Variants in BPIFC observed in about 807,000 individuals in gnomAD.
The protein encoded by BPIFC is BPI fold-containing family C protein.
In BPIFC, 60 loss-of-function variants were observed where a neutral mutation model predicts 57.6. The observed-to-expected ratio is 1.04, with a 90% CI of 0.85 to 1.29. The LOEUF (loss-of-function observed/expected upper bound fraction) is 1.29, where lower values mean the gene tolerates loss of function less well. BPIFC is among the 50% of genes most tolerant of loss of function. BPIFC has a pLI of 0.00. For missense variants in BPIFC, 581 were observed against 600.5 expected (o/e 0.97, Z 0.34); for synonymous variants, 243 against 224.5 (o/e 1.08, Z -0.74).
At position 32,442,343 on chromosome 22, in the gene BPIFC, C is replaced by T. The variant is rs566089174; in HGVS notation, c.655+328G>A. Among the ~76,000 whole-genome samples, 136 of 152,266 alleles carry T rather than the reference C, an allele frequency of 8.9e-4. 2 individuals carry two copies. The highest frequency in any genetic ancestry group is 2.8e-3 in the African/African-American group (117 of 41,548). ...TGCAGGCTGAGAACCCCAGAATAAC[C>T]TGGTCAAGATCAGTGTTAATCCCTC... On this transcript the variant is annotated intron_variant, in intron 8 of 16. Coordinates refer to ENST00000300399, the MANE Select transcript of BPIFC (RefSeq NM_174932.3).
At chr22:32,428,180 A>G (rs1325598452) in intron 13 of BPIFC, among the ~76,000 whole-genome samples, 3 of 152,162 alleles carry the variant, frequency 2.0e-5, no homozygotes, top group Non-Finnish European at 4.4e-5. Flanking sequence ...ACTATTTGAT[A>G]TAAAGATAAG....
At chr22:32,445,050 T>G (rs930804994) in intron 7 of BPIFC, among the ~76,000 whole-genome samples, 1 of 152,180 alleles carries the variant, frequency 6.6e-6, no homozygotes, top group Non-Finnish European at 1.5e-5. Flanking sequence ...GCCCACCCTA[T>G]GGTAAGAAAT....
At chr22:32,463,515 C>T (rs1475035593) in intron 1 of BPIFC, among the ~76,000 whole-genome samples, 1 of 151,904 alleles carries the variant, frequency 6.6e-6, no homozygotes, top group Non-Finnish European at 1.5e-5. Flanking sequence ...TTAGAAAACA[C>T]CTGAAACTCA....
chr22:32,462,043 A>G (rs1935170712), intron 1 of BPIFC, among the ~76,000 whole-genome samples: 2 of 150,452 alleles, frequency 1.3e-5, no homozygotes, highest in South Asian at 4.2e-4. Context: ...GGTGGCGCAC[A>G]CCTGTAGTCC....
At position 32,422,083 on chromosome 22, in the gene BPIFC, C is replaced by T. The variant is rs565276210; in HGVS notation, c.1218-2679G>A. Among the ~76,000 whole-genome samples, 7 of 152,258 alleles carry T rather than the reference C, an allele frequency of 4.6e-5. No individual in the cohort carries two copies. In the East Asian group the frequency reaches 1.4e-3, roughly 29 times the overall value. ...AGAGGCAGACAGGATTGACTAGGCT[C>T]AGTGCCTCTGGCTGTGTTACGATTT... On this transcript the variant is annotated intron_variant, in intron 13 of 16. Transcript: ENST00000300399.
intron 13 of BPIFC, among the ~76,000 whole-genome samples, chr22:32,420,080 G>A (rs1933799759): frequency 6.6e-6 from 1 of 152,114 alleles, no homozygotes; most frequent in African/African-American, 2.4e-5. Flanking sequence ...CACTTTGGGA[G>A]GCCGAGGCGG....
At position 32,440,379 on chromosome 22, in the gene BPIFC, C is replaced by T. The variant is rs537966632; in HGVS notation, c.655+2292G>A. 1.1e-4 allele frequency among the ~76,000 whole-genome samples: 17 copies of T among 152,258 alleles called. No homozygotes were observed. In the South Asian group the frequency reaches 2.7e-3, roughly 24 times the overall value. ...CAGGTCTTGAACTCCTGACCTCAAG[C>T]AATCCTCCCACCTTGGCCTCCCAAA... On this transcript the variant is annotated intron_variant, in intron 8 of 16. Transcript: ENST00000300399.
chr22:32,453,275 A>T, intron 4 of BPIFC, 108 bp downstream of exon 4: 1 of 863,964 alleles, frequency 1.2e-6, no homozygotes, highest in Non-Finnish European at 1.7e-6. Context: ...CAGAACAGAA[A>T]AAGATAAGAA....
At chr22:32,451,694 A>G (rs577828468) in intron 4 of BPIFC, among the ~76,000 whole-genome samples, 19 of 152,126 alleles carry the variant, frequency 1.2e-4, no homozygotes, top group Middle Eastern at 3.4e-3. Context: ...CTTAAAGTAT[A>G]ATAAATATAT....
intron 13 of BPIFC, among the ~76,000 whole-genome samples, chr22:32,422,744 A>G (rs1239318361): frequency 6.6e-6 from 1 of 152,102 alleles, no homozygotes; most frequent in East Asian, 1.9e-4. Context: ...TGAAGAAACC[A>G]GCGTAGGCTA....
intron 9 of BPIFC, among the ~76,000 whole-genome samples, chr22:32,436,090 T>G (rs2145935138): frequency 1.3e-5 from 2 of 152,136 alleles, no homozygotes; most frequent in South Asian, 4.2e-4. Context: ...TGACTGTTTT[T>G]CCATGATCAA....
At chr22:32,429,187 A>G (rs554037378) in intron 13 of BPIFC, among the ~76,000 whole-genome samples, 8 of 150,674 alleles carry the variant, frequency 5.3e-5, no homozygotes, top group Non-Finnish European at 8.9e-5. Context: ...AACATTTTCC[A>G]TGTTTCTTTT....
At position 32,457,325 on chromosome 22, in the gene BPIFC, G is replaced by A. The variant is rs750395072; in HGVS notation, c.62C>T (p.Ser21Leu). The change falls in exon 3 of 17, where the codon TCA (serine) becomes TTA (leucine). Residue 21 changes from serine (S) to leucine (L), a missense_variant. Physicochemically the swap from Ser to Leu is moderately radical, Grantham distance 145. Coordinates refer to ENST00000300399, the MANE Select transcript of BPIFC (RefSeq NM_174932.3). ...GCFLLWNLYV[S>L]SSQTIYPGIK... The stretch of plus-strand genomic sequence containing the variant: ...TCCAGGGTAAATGGTCTGAGAGGAT[G>A]AGACATAGAGATTCCACAGGAGGAA... 6.2e-7 allele frequency: 1 copy of A among 1,610,568 alleles called. No homozygotes were observed. The highest frequency in any genetic ancestry group is 1.7e-5 in the Admixed American group (1 of 58,610).
intron 14 of BPIFC, among the ~76,000 whole-genome samples, chr22:32,418,467 C>A (rs1050901730): frequency 6.6e-6 from 1 of 152,238 alleles, no homozygotes; most frequent in African/African-American, 2.4e-5. Flanking sequence ...CATCCCTGGC[C>A]TCTACCCACC....
intron 4 of BPIFC, among the ~76,000 whole-genome samples, chr22:32,451,242 A>G (rs1934887949): frequency 6.6e-6 from 1 of 152,206 alleles, no homozygotes; most frequent in African/African-American, 2.4e-5. Flanking sequence ...CATGGTGTAT[A>G]TGTGCCACAT....
In BPIFC at chr22:32,445,886, T is replaced by A; in HGVS notation, c.485A>T (p.Tyr162Phe). 1.9e-6 allele frequency: 3 copies of A among 1,614,094 alleles called. No homozygotes were observed. The highest frequency in any genetic ancestry group is 2.5e-6 in the Non-Finnish European group (3 of 1,180,024). The change falls in exon 6 of 17, where the codon TAC becomes TTC. Residue 162 changes from tyrosine to phenylalanine, a missense_variant. Coordinates refer to ENST00000300399, the MANE Select transcript of BPIFC (RefSeq NM_174932.3). The stretch of plus-strand genomic sequence containing the variant: ...GACGTGGGCATGGCTCAGTTGGGCG[T>A]AGCAATCTTGGAGCTTCAGGGTAGG... ...GHPTLKLQDC[Y>F]AQLSHAHVSF...
At chr22:32,444,423 G>A (rs992493198) in intron 7 of BPIFC, among the ~76,000 whole-genome samples, 1 of 152,184 alleles carries the variant, frequency 6.6e-6, no homozygotes, top group Non-Finnish European at 1.5e-5. Flanking sequence ...CAAGCACCGA[G>A]CTGAGCACTA....
Position 32,433,788 on chromosome 22 carries a change from C to G in BPIFC, c.925-16G>C, listed in dbSNP as rs369245764. 1 of 1,610,000 alleles carries G rather than the reference C, an allele frequency of 6.2e-7. No homozygotes were observed. Among genetic ancestry groups the G allele is most frequent in the Non-Finnish European group, 8.5e-7 (1 of 1,176,388 alleles). On this transcript the variant is annotated splice_polypyrimidine_tract_variant and intron_variant, in intron 10 of 16. Transcript: ENST00000300399. ...GGTTGGAAATCTGGAAAATAAAGCC[C>G]ATTATGTCACTGTTAGGATTTTACG...
chr22:32,424,642 C>CTCT (rs796330210), intron 13 of BPIFC, among the ~76,000 whole-genome samples: 2,504 of 28,736 alleles, frequency 0.087, 330 homozygotes, highest in Non-Finnish European at 0.092. Flanking sequence ...TCTTCTTCTT[C>CTCT]TCTTCTTCTT....
Sources: allele counts gnomAD v4.1 joint callset (sites outside exome capture counted in the v4.1 genomes callset), GRCh38; gene constraint gnomAD v4.1.1; transcripts MANE v1.5; gene names NCBI Gene and HGNC (gene_info 2026-07-23, HGNC 2026-07-21).